Variants in PPP1R12A observed in about 807,000 individuals in gnomAD.
PPP1R12A encodes the protein protein phosphatase 1 regulatory subunit 12A.
Under a neutral mutation model 139.6 loss-of-function variants are expected in PPP1R12A, and 19 were observed. That is an observed-to-expected ratio of 0.14 (90% confidence interval 0.09 to 0.20). PPP1R12A has a LOEUF of 0.20. Ranked by LOEUF, PPP1R12A falls within the 10% of genes least tolerant of loss-of-function variation. The pLI is 1.00. For missense variants in PPP1R12A, 925 were observed against 1,211.5 expected (o/e 0.76, Z 3.51); for synonymous variants, 427 against 420.6 (o/e 1.02, Z -0.19).
rs959452164 is a variant in PPP1R12A at position 79,776,091 on chromosome 12, T to C, written c.3007-76A>G. 27 of 908,198 alleles carry C rather than the reference T, an allele frequency of 3.0e-5. No homozygotes were observed. In the East Asian group the frequency reaches 4.0e-4, roughly 14 times the overall value. The allele number at this position is 908,198 out of a possible 1,614,324, so 56.3% of individuals were successfully genotyped here. A position where few individuals can be genotyped will look rare whatever the true frequency, so the allele number is the denominator to read the frequency against. On this transcript the variant is annotated intron_variant, in intron 24 of 24. Transcript: ENST00000450142. ...AAAACATTATTCTTAATAAATGTTA[T>C]ATTTTCACCACAAAACACATGATCA... is the stretch of plus-strand genomic sequence containing the variant.
At chr12:79,895,837 T>C (rs1446487421) in intron 1 of PPP1R12A, among the ~76,000 whole-genome samples, 2 of 152,176 alleles carry the variant, frequency 1.3e-5, no homozygotes, top group African/African-American at 4.8e-5. Flanking sequence ...CCGAGCCTTA[T>C]TAAATATATG....
At chr12:79,828,560 A>C (rs532328455) in intron 4 of PPP1R12A, 96 bp from the exon 5 acceptor site, 1 of 970,688 alleles carries the variant, frequency 1.0e-6, no homozygotes, top group African/African-American at 1.7e-5. Context: ...TACAATTTTC[A>C]ATTAATTTCT....
intron 1 of PPP1R12A, among the ~76,000 whole-genome samples, chr12:79,932,396 T>C (rs1356569232): frequency 1.3e-5 from 2 of 152,168 alleles, no homozygotes; most frequent in Non-Finnish European, 2.9e-5. Flanking sequence ...CAAGAGTTGA[T>C]AAATAAGAAA....
At chr12:79,869,913 T>TATC (rs1882387295) in intron 2 of PPP1R12A, among the ~76,000 whole-genome samples, 1 of 147,862 alleles carries the variant, frequency 6.8e-6, no homozygotes, top group South Asian at 2.1e-4. Context: ...CTATTATTAT[T>TATC]ATTATTATTA....
chr12:79,869,775 T>C (rs1882369252), intron 2 of PPP1R12A, among the ~76,000 whole-genome samples: 1 of 152,102 alleles, frequency 6.6e-6, no homozygotes, highest in African/African-American at 2.4e-5. Context: ...ACTAAGTAGA[T>C]TGGTCAAGCA....
chr12:79,885,226 G>C (rs945066349), intron 1 of PPP1R12A, among the ~76,000 whole-genome samples: 20 of 152,110 alleles, frequency 1.3e-4, no homozygotes, highest in African/African-American at 4.8e-4. Context: ...CTCCCATCTT[G>C]TGTGCCACAG....
At chr12:79,796,523 G>T (rs1028859253) in intron 17 of PPP1R12A, among the ~76,000 whole-genome samples, 1 of 152,114 alleles carries the variant, frequency 6.6e-6, no homozygotes, top group African/African-American at 2.4e-5. Context: ...CCACCAGTTC[G>T]ATATTAACTT....
At chr12:79,830,190 A>G (rs181104555) in intron 4 of PPP1R12A, among the ~76,000 whole-genome samples, 21 of 152,244 alleles carry the variant, frequency 1.4e-4, no homozygotes, top group African/African-American at 5.1e-4. Flanking sequence ...CCTCAAAATA[A>G]CCATACTATT....
chr12:79,840,065 T>A (rs1053547768), intron 3 of PPP1R12A, among the ~76,000 whole-genome samples: 1 of 152,186 alleles, frequency 6.6e-6, no homozygotes, highest in African/African-American at 2.4e-5. Context: ...TTAAATAAAA[T>A]GCAGTATGGT....
At chr12:79,915,342 T>A (rs7294440) in intron 1 of PPP1R12A, among the ~76,000 whole-genome samples, 119,492 of 152,128 alleles carry the variant, frequency 0.79, 49,449 homozygotes, top group Non-Finnish European at 0.92. Context: ...AACTTTGTTA[T>A]ATGAAGCCAT....
chr12:79,781,992 CAAAGAGA>C, intron 22 of PPP1R12A, 130 bp from the exon 23 acceptor site: 1 of 465,422 alleles, frequency 2.1e-6, no homozygotes, highest in Non-Finnish European at 3.9e-6. Context: ...GTGAGTAAAG[CAAAGAGA>C]AAACAGGATT....
chr12:79,911,830 T>TC (rs2136914597), intron 1 of PPP1R12A, among the ~76,000 whole-genome samples: 1 of 151,740 alleles, frequency 6.6e-6, no homozygotes, highest in South Asian at 2.1e-4. Context: ...CACCTCCGAT[T>TC]CCCCCCACCC....
intron 1 of PPP1R12A, among the ~76,000 whole-genome samples, chr12:79,923,905 G>T (rs931969720): frequency 6.6e-6 from 1 of 151,924 alleles, no homozygotes; most frequent in African/African-American, 2.4e-5. Context: ...TTAGCCGGGC[G>T]TGGTGGTGGA....
At chr12:79,884,735 T>C (rs1192071447) in intron 1 of PPP1R12A, among the ~76,000 whole-genome samples, 1 of 152,218 alleles carries the variant, frequency 6.6e-6, no homozygotes, top group East Asian at 1.9e-4. Context: ...TTTTCTTGAA[T>C]GTAAATGCAG....
intron 17 of PPP1R12A, among the ~76,000 whole-genome samples, chr12:79,796,164 A>G (rs1872490412): frequency 6.6e-6 from 1 of 152,168 alleles, no homozygotes; most frequent in Admixed American, 6.6e-5. Flanking sequence ...TGATATTATC[A>G]TGACTAATAC....
chr12:79,782,291 A>ATGCAGCCAGAC (rs1565735437), intron 22 of PPP1R12A: 2 of 201,888 alleles, frequency 9.9e-6, no homozygotes, highest in East Asian at 2.7e-4. Context: ...CTCTGTATCC[A>ATGCAGCCAGAC]TGCAGCCAGA....
At chr12:79,881,271 T>C (rs1293015669) in intron 1 of PPP1R12A, among the ~76,000 whole-genome samples, 1 of 152,196 alleles carries the variant, frequency 6.6e-6, no homozygotes, top group Non-Finnish European at 1.5e-5. Flanking sequence ...GGCCAAAAGC[T>C]AGGCCTCTTG....
chr12:79,858,816 G>T (rs1475292702), intron 2 of PPP1R12A, among the ~76,000 whole-genome samples: 1 of 152,118 alleles, frequency 6.6e-6, no homozygotes, highest in Non-Finnish European at 1.5e-5. Flanking sequence ...GAAAAGAGTG[G>T]AGGATGGAGT....
At chr12:79,882,474 A>C (rs1026351731) in intron 1 of PPP1R12A, among the ~76,000 whole-genome samples, 3 of 152,222 alleles carry the variant, frequency 2.0e-5, no homozygotes, top group Non-Finnish European at 4.4e-5. Context: ...GAATTGCTGC[A>C]ATCTCATGAT....
Sources: allele counts gnomAD v4.1 joint callset (sites outside exome capture counted in the v4.1 genomes callset), GRCh38; gene constraint gnomAD v4.1.1; transcripts MANE v1.5; gene names NCBI Gene and HGNC (gene_info 2026-07-23, HGNC 2026-07-21).